PEAK1: variants seen among roughly 807,000 people sequenced by gnomAD.
The protein encoded by PEAK1 is pseudopodium enriched atypical kinase 1.
A neutral mutation model predicts 124.7 loss-of-function variants in PEAK1; 54 were observed. That is an observed-to-expected ratio of 0.43 (90% CI 0.35 to 0.54). PEAK1 has a LOEUF of 0.54. Ranked by LOEUF, PEAK1 falls within the 20% of genes least tolerant of loss-of-function variation. The probability of loss-of-function intolerance (pLI) is 0.01; values close to 1 mark genes in which losing one functional copy is unlikely to be tolerated. For synonymous variants in PEAK1, 719 were observed against 760.0 expected (o/e 0.95, Z 0.89); for missense variants, 2,046 against 2,134.5 (o/e 0.96, Z 0.82).
At chr15:77,294,997 T>C (rs1567223091) in intron 2 of PEAK1, among the ~76,000 whole-genome samples, 1 of 152,194 alleles carries the variant, frequency 6.6e-6, no homozygotes, top group Admixed American at 6.5e-5. Context: ...ACAATTAATA[T>C]TTACTACCAA....
intron 5 of PEAK1, among the ~76,000 whole-genome samples, chr15:77,281,332 A>T (rs2152967892): frequency 6.6e-6 from 1 of 152,280 alleles, no homozygotes; most frequent in South Asian, 2.1e-4. Context: ...ATTGTTACTG[A>T]ATTCATTCAA....
rs1319651209 is a variant in PEAK1, at chr15:77,180,190, G to A, written c.1737C>T (p.Ser579=). The A allele has an allele frequency of 5.6e-6, 9 of 1,614,034 alleles. 1 individual carries two copies. In the South Asian group the frequency reaches 8.8e-5, roughly 16 times the overall value. Residue 579 remains serine (S), a synonymous_variant, in exon 7 of 10, where the codon TCC becomes TCT. Transcript: ENST00000682557. ...APTSPTATNI[S]SKTIPVKSPN... ...GTGACTTAACAGGGATGGTTTTGGA[G>A]GAAATGTTTGTAGCTGTGGGTGATG...
chr15:77,194,432 C>A (rs2058007377), intron 6 of PEAK1, among the ~76,000 whole-genome samples: 1 of 152,156 alleles, frequency 6.6e-6, no homozygotes. Context: ...CTGCTACTGA[C>A]TTACCATTTT....
intron 6 of PEAK1, among the ~76,000 whole-genome samples, chr15:77,194,223 T>C (rs1295042649): frequency 1.3e-5 from 2 of 152,204 alleles, no homozygotes; most frequent in African/African-American, 4.8e-5. Flanking sequence ...CCTCTCCCTT[T>C]GACCCATCTA....
At chr15:77,379,165 A>G (rs376317020) in intron 1 of PEAK1, among the ~76,000 whole-genome samples, 66 of 152,332 alleles carry the variant, frequency 4.3e-4, no homozygotes, top group African/African-American at 1.5e-3. Context: ...ATCTGAAGTT[A>G]TACATTTTCT....
chr15:77,198,442 A>G (rs1435377309), intron 6 of PEAK1, among the ~76,000 whole-genome samples: 1 of 152,172 alleles, frequency 6.6e-6, no homozygotes, highest in Admixed American at 6.5e-5. Flanking sequence ...CTTTAAGAAA[A>G]AGCTGAATTG....
chr15:77,361,151 G>A (rs1016896060), intron 2 of PEAK1, among the ~76,000 whole-genome samples: 6 of 151,888 alleles, frequency 4.0e-5, no homozygotes, highest in Non-Finnish European at 8.8e-5. Context: ...GAATATACAA[G>A]GACAAACATA....
intron 1 of PEAK1, among the ~76,000 whole-genome samples, chr15:77,391,171 T>C (rs1439397311): frequency 6.6e-6 from 1 of 152,146 alleles, no homozygotes; most frequent in Admixed American, 6.5e-5. Context: ...CCCAGACCCA[T>C]GGTGCTACTG....
At chr15:77,238,931 A>G (rs1172344041) in intron 6 of PEAK1, among the ~76,000 whole-genome samples, 1 of 152,188 alleles carries the variant, frequency 6.6e-6, no homozygotes. Flanking sequence ...AGTCCTACAC[A>G]TATTTTAGAT....
At chr15:77,123,285 C>T (rs1028309745) in intron 9 of PEAK1, among the ~76,000 whole-genome samples, 1 of 152,118 alleles carries the variant, frequency 6.6e-6, no homozygotes, top group South Asian at 2.1e-4. Context: ...TCTGTGGTCT[C>T]GCATGGTAGT....
At chr15:77,290,288 C>A (rs758153148) in intron 2 of PEAK1, among the ~76,000 whole-genome samples, 4 of 152,302 alleles carry the variant, frequency 2.6e-5, no homozygotes, top group African/African-American at 2.4e-5. Context: ...CCATGCCTGG[C>A]TAATTTTTGT....
At chr15:77,248,820 T>C (rs2060712471) in intron 6 of PEAK1, among the ~76,000 whole-genome samples, 1 of 152,114 alleles carries the variant, frequency 6.6e-6, no homozygotes, top group African/African-American at 2.4e-5. Flanking sequence ...TATTTTATTT[T>C]ATTTTAATGT....
intron 2 of PEAK1, among the ~76,000 whole-genome samples, chr15:77,303,020 A>G (rs2063873797): frequency 6.6e-6 from 1 of 152,198 alleles, no homozygotes. Context: ...CTGGACTCAC[A>G]GAGCATTTTC....
intron 8 of PEAK1, among the ~76,000 whole-genome samples, chr15:77,149,758 T>A (rs2054443384): frequency 6.6e-6 from 1 of 152,036 alleles, no homozygotes; most frequent in African/African-American, 2.4e-5. Flanking sequence ...GCATCACTTT[T>A]TTTTTTTTTA....
chr15:77,301,105 T>A (rs2063761934), intron 2 of PEAK1, among the ~76,000 whole-genome samples: 1 of 152,132 alleles, frequency 6.6e-6, no homozygotes, highest in Non-Finnish European at 1.5e-5. Flanking sequence ...AGAAATTTAT[T>A]TATTTTTATA....
intron 2 of PEAK1, among the ~76,000 whole-genome samples, chr15:77,325,407 CAATAAATAAATAAATAAATA>C (rs140910763): frequency 0.076 from 10,927 of 144,204 alleles, 552 homozygotes; most frequent in Non-Finnish European, 0.1. Flanking sequence ...GATCCCATCT[CAATAAATAAATAAATAAATA>C]AATAAATAAA....
rs544099607 is a variant in PEAK1 at position 77,321,989 on chromosome 15, T to C, written c.-602-35485A>G. 1.6e-4 allele frequency among the ~76,000 whole-genome samples: 25 copies of C among 152,132 alleles called. No homozygotes were observed. In the East Asian group the frequency reaches 3.7e-3, roughly 22 times the overall value. On this transcript the variant is annotated intron_variant, in intron 2 of 9. Coordinates refer to ENST00000682557, the MANE Select transcript of PEAK1 (RefSeq NM_001385026.1). Reference sequence around the variant, plus strand: ...GATTAAGAAACTCACTCAAAACCGCTCGACTACATGGAAACGGAACAACCT... The same window carrying C: ...GATTAAGAAACTCACTCAAAACCGCCCGACTACATGGAAACGGAACAACCT...
intron 5 of PEAK1, among the ~76,000 whole-genome samples, chr15:77,262,617 T>TAGAGACCCACAA (rs2061499859): frequency 6.7e-6 from 1 of 149,978 alleles, no homozygotes; most frequent in South Asian, 2.1e-4. Flanking sequence ...AGCAAGTCCT[T>TAGAGACCCACAA]AGAGACCTAC....
At chr15:77,320,486 C>A (rs1463960448) in intron 2 of PEAK1, among the ~76,000 whole-genome samples, 1 of 152,274 alleles carries the variant, frequency 6.6e-6, no homozygotes, top group East Asian at 1.9e-4. Flanking sequence ...TAGAATCTTA[C>A]TTCCAAGGTT....
Sources: allele counts gnomAD v4.1 joint callset (sites outside exome capture counted in the v4.1 genomes callset), GRCh38; gene constraint gnomAD v4.1.1; transcripts MANE v1.5; gene names NCBI Gene and HGNC (gene_info 2026-07-23, HGNC 2026-07-21).